EML1: variants seen among roughly 807,000 people sequenced by gnomAD.
EML1 encodes echinoderm microtubule-associated protein-like 1.
EML1 carries 27 observed loss-of-function variants against 110.4 expected under a neutral mutation model. The ratio of observed to expected loss-of-function variants is 0.24; its 90% confidence interval spans 0.18 to 0.34. The LOEUF (loss-of-function observed/expected upper bound fraction) is 0.34. EML1 is among the 10% of genes least tolerant of loss of function. EML1 has a pLI of 1.00. For synonymous variants in EML1, 344 were observed against 385.8 expected (o/e 0.89, Z 1.27); for missense variants, 741 against 1,030.9 (o/e 0.72, Z 3.85).
intron 1 of EML1, among the ~76,000 whole-genome samples, chr14:99,812,470 A>T (rs1190068660): frequency 1.3e-5 from 2 of 151,904 alleles, no homozygotes; most frequent in Non-Finnish European, 2.9e-5. Flanking sequence ...GGTACACAGC[A>T]TTGAGGTGCT....
intron 1 of EML1, among the ~76,000 whole-genome samples, chr14:99,832,516 T>C (rs1407438438): frequency 1.3e-5 from 2 of 152,232 alleles, no homozygotes; most frequent in Non-Finnish European, 2.9e-5. Flanking sequence ...ATTCACATGC[T>C]CACCAAAACT....
chr14:99,940,293 G>A lies in EML1; in HGVS notation c.*181G>A. On this transcript the variant is annotated 3_prime_UTR_variant, in exon 22 of 22. Coordinates refer to ENST00000262233, the MANE Select transcript of EML1 (RefSeq NM_004434.3). ...CGCCACAGCGGATCAGCGGTTCCGT[G>A]TTCACTTTTGTTGTACAATATATGA... 1 of 748,080 alleles carries A rather than the reference G, an allele frequency of 1.3e-6. No homozygotes were observed. Among genetic ancestry groups the A allele is most frequent in the Non-Finnish European group, 1.9e-6 (1 of 518,130 alleles). The allele number at this position is 748,080 out of a possible 1,614,324, so 46.3% of individuals were successfully genotyped here. A position where few individuals can be genotyped will look rare whatever the true frequency, so the allele number is the denominator to read the frequency against.
Position 99,901,294 on chromosome 14 carries a change from T to C in EML1, c.1008+255T>C, listed in dbSNP as rs150789131. ...TGATGAAAACAGGCCCCCAGAGATA[T>C]CGTCCTCACTTTCCTTAAGGCAGTT... On this transcript the variant is annotated intron_variant, in intron 9 of 21. Transcript: ENST00000262233. 1.2e-4 allele frequency among the ~76,000 whole-genome samples: 18 copies of C among 152,286 alleles called. No homozygotes were observed. The East Asian group carries it at 2.5e-3, about 21-fold the overall frequency.
Position 99,793,436 on chromosome 14 carries a change from GCGGCCGGGCCGGGGAGCGGGCGCGGCC to G in EML1, c.-36_-10del. The G allele has an allele frequency of 1.9e-6, 2 of 1,033,026 alleles. No homozygotes were observed. Among genetic ancestry groups the G allele is most frequent in the Non-Finnish European group, 2.3e-6 (2 of 860,762 alleles). The allele number at this position is 1,033,026 out of a possible 1,614,324, so 64.0% of individuals were successfully genotyped here. A position where few individuals can be genotyped will look rare whatever the true frequency, so the allele number is the denominator to read the frequency against. On this transcript the variant is annotated 5_prime_UTR_variant, in exon 1 of 22. Coordinates refer to ENST00000262233, the MANE Select transcript of EML1 (RefSeq NM_004434.3). ...TCAGTGTGTGGTGAGCGGCGGCGGC[GCGGCCGGGCCGGGGAGCGGGCGCGGCC>G]CGGCGGCCTCAGCATGGAGGACGGC...
chr14:99,764,493 T>C (rs1204377533), intron 1 of EML1, among the ~76,000 whole-genome samples: 1 of 152,238 alleles, frequency 6.6e-6, no homozygotes, highest in Non-Finnish European at 1.5e-5. Context: ...TGTGCATTTC[T>C]GACAAGCTCC....
intron 1 of EML1, among the ~76,000 whole-genome samples, chr14:99,802,083 G>C (rs896650724): frequency 6.6e-6 from 1 of 152,174 alleles, no homozygotes; most frequent in African/African-American, 2.4e-5. Flanking sequence ...CCTAAGAGAG[G>C]CATCCGTGAG....
chr14:99,763,286 G>A (rs1208081109), intron 1 of EML1, among the ~76,000 whole-genome samples: 2 of 152,178 alleles, frequency 1.3e-5, no homozygotes, highest in African/African-American at 2.4e-5. Context: ...CTAATACAGT[G>A]TGTCTGATGT....
intron 1 of EML1, among the ~76,000 whole-genome samples, chr14:99,844,476 C>CAAA (rs71113228): frequency 7.3e-6 from 1 of 136,436 alleles, no homozygotes; most frequent in Non-Finnish European, 1.6e-5. Context: ...GAGACTTTGT[C>CAAA]AAAAAAAAAA....
intron 6 of EML1, 74 bp from the exon 7 acceptor site, chr14:99,897,071 T>C: frequency 7.4e-7 from 1 of 1,346,994 alleles, no homozygotes; most frequent in Non-Finnish European, 9.9e-7. Flanking sequence ...TTTTATTGCC[T>C]GTGCCTGTTG....
intron 11 of EML1, 65 bp downstream of exon 11, chr14:99,909,544 C>A: frequency 6.3e-7 from 1 of 1,590,550 alleles, no homozygotes; most frequent in South Asian, 1.1e-5. Flanking sequence ...AGATGCATCT[C>A]TCTGGGGGCT....
chr14:99,775,991 T>C (rs1716899375), intron 1 of EML1, among the ~76,000 whole-genome samples: 1 of 152,216 alleles, frequency 6.6e-6, no homozygotes, highest in Non-Finnish European at 1.5e-5. Context: ...TTCTTCCAGC[T>C]AAAACATGAT....
intron 17 of EML1, among the ~76,000 whole-genome samples, chr14:99,929,727 A>G (rs1457042903): frequency 6.6e-6 from 1 of 152,224 alleles, no homozygotes; most frequent in Non-Finnish European, 1.5e-5. Context: ...GAGAGAAAGC[A>G]TTCGATGCCC....
At chr14:99,760,164 T>G (rs1157923283) in intron 1 of EML1, among the ~76,000 whole-genome samples, 1 of 145,362 alleles carries the variant, frequency 6.9e-6, no homozygotes, top group Non-Finnish European at 1.5e-5. Context: ...CCCCCCAAAC[T>G]TACAAATGTG....
chr14:99,940,045 G>A lies in EML1; in HGVS notation c.2381G>A (p.Cys794Tyr), dbSNP rs141606780. 3 of 1,602,092 alleles carry A rather than the reference G, an allele frequency of 1.9e-6. No homozygotes were observed. The African/African-American group carries it at 4.0e-5, about 22-fold the overall frequency. The stretch of plus-strand genomic sequence containing the variant: ...CATGTCACCAATGTCGATTTCCTCT[G>A]TGAAGACAGCCACCTCATCTCCACG... ...SSHVTNVDFL[C>Y]EDSHLISTGG... The change falls in exon 22 of 22, where the codon TGT becomes TAT. Residue 794 changes from cysteine (C) to tyrosine (Y), a missense_variant. This residue lies in a region of EML1 where 114 missense variants were observed against 122.5 expected (regional missense o/e 0.93). Coordinates refer to ENST00000262233, the MANE Select transcript of EML1 (RefSeq NM_004434.3).
chr14:99,790,280 C>T (rs12587154), upstream of EML1, among the ~76,000 whole-genome samples: 138 of 152,258 alleles, frequency 9.1e-4, 2 homozygotes, highest in East Asian at 0.025. Flanking sequence ...CACCAAATAT[C>T]ATAACATTAA....
chr14:99,753,816 A>G (rs1399920656), intron 1 of EML1, among the ~76,000 whole-genome samples: 1 of 152,152 alleles, frequency 6.6e-6, no homozygotes, highest in South Asian at 2.1e-4. Context: ...GCTTACAAAA[A>G]CCATCCTGTT....
rs547271393 is a variant in EML1 at position 99,778,197 on chromosome 14, A to G, written c.-27+4184A>G. On this transcript the variant is annotated intron_variant, in intron 1 of 22. Coordinates refer to the EML1 transcript ENST00000327921. Reference sequence around the variant, plus strand: ...GCTTACTCCATACTCACATGTGGATACATACCCTTCCTCTTCCTAATATAG... The same window carrying G: ...GCTTACTCCATACTCACATGTGGATGCATACCCTTCCTCTTCCTAATATAG... 2.1e-4 allele frequency among the ~76,000 whole-genome samples: 32 copies of G among 152,344 alleles called. No individual in the cohort carries two copies. The South Asian group carries it at 6.6e-3, about 32-fold the overall frequency.
At chr14:99,752,104 G>A (rs537267704) in intron 1 of EML1, among the ~76,000 whole-genome samples, 5 of 152,150 alleles carry the variant, frequency 3.3e-5, no homozygotes, top group Admixed American at 1.3e-4. Flanking sequence ...TCGCCCCACC[G>A]CGCAGGGCTG....
At chr14:99,750,269 T>G (rs1228673204) in intron 1 of EML1, among the ~76,000 whole-genome samples, 1 of 152,120 alleles carries the variant, frequency 6.6e-6, no homozygotes, top group Non-Finnish European at 1.5e-5. Context: ...GGCCCCCGGA[T>G]GTTCAGTTGA....
Sources: gnomAD v4.1 joint callset for allele counts (sites outside exome capture counted in the v4.1 genomes callset) on GRCh38, gnomAD v4.1.1 for gene constraint, gnomAD v4.1.1 regional missense constraint, MANE v1.5 for transcripts, NCBI Gene and HGNC (gene_info 2026-07-23, HGNC 2026-07-21) for gene names.